COPA: variants seen among roughly 807,000 people sequenced by gnomAD.
The protein encoded by COPA is coatomer subunit alpha.
Under a neutral mutation model 158.7 loss-of-function variants are expected in COPA, and 10 were observed. That is an observed-to-expected ratio of 0.06 (90% CI 0.04 to 0.11). COPA has a LOEUF of 0.11. Among genes scored for constraint, COPA ranks in the 10% least tolerant of loss-of-function variants. The pLI is 1.00. For synonymous variants in COPA, 462 were observed against 542.8 expected (o/e 0.85, Z 2.07); for missense variants, 1,065 against 1,536.7 (o/e 0.69, Z 5.13).
At chr1:160,293,524 A>T in intron 25 of COPA, 61 bp from the exon 26 acceptor site, 5 of 1,276,610 alleles carry the variant, frequency 3.9e-6, no homozygotes, top group South Asian at 1.4e-5. Context: ...AGACAGGGTC[A>T]CACTCTGTCA....
At chr1:160,327,103 T>C (rs1384403548) in intron 6 of COPA, among the ~76,000 whole-genome samples, 1 of 152,064 alleles carries the variant, frequency 6.6e-6, no homozygotes, top group Non-Finnish European at 1.5e-5. Context: ...AGTTTGTAGA[T>C]GAGAAAAAAA....
chr1:160,339,371 G>A (rs1458450448), intron 3 of COPA: 1 of 152,218 alleles, frequency 6.6e-6, no homozygotes, highest in Admixed American at 6.5e-5. Flanking sequence ...TATCACTCCT[G>A]TATTTAAGTT....
At chr1:160,321,065 A>G (rs1659319473) in intron 8 of COPA, among the ~76,000 whole-genome samples, 1 of 152,236 alleles carries the variant, frequency 6.6e-6, no homozygotes, top group South Asian at 2.1e-4. Context: ...TAAACATGAT[A>G]TATCACATTA....
chr1:160,295,708 A>C, intron 23 of COPA, 28 bp downstream of exon 23: 2 of 1,571,892 alleles, frequency 1.3e-6, no homozygotes, highest in Non-Finnish European at 1.7e-6. Flanking sequence ...CAAACAACAA[A>C]AGTGCTATGG....
intron 17 of COPA, among the ~76,000 whole-genome samples, chr1:160,301,140 A>G (rs775727212): frequency 3.3e-5 from 5 of 151,754 alleles, no homozygotes; most frequent in Non-Finnish European, 5.9e-5. Flanking sequence ...CTGGGGTGAG[A>G]CTCTGTCTCA....
In COPA at chr1:160,298,928, T is replaced by C. The variant is rs1169847660; in HGVS notation, c.1894A>G (p.Lys632Glu). 6.2e-7 allele frequency: 1 copy of C among 1,614,026 alleles called. No individual in the cohort carries two copies. Among genetic ancestry groups the C allele is most frequent in the African/African-American group, 1.3e-5 (1 of 74,888 alleles). The change falls in exon 19 of 33, where the codon AAG becomes GAG. Residue 632 changes from lysine to glutamate, a missense_variant. By Grantham distance (56) the Lys-to-Glu change is moderately conservative. Transcript: ENST00000241704. ...GQSIIAYLQK[K>E]GYPEVALHFV... ...TGCAGTGCCACTTCAGGATAGCCCT[T>C]CTTCTGGAGATAAGCAATAATAGAC... is the stretch of plus-strand genomic sequence containing the variant.
intron 12 of COPA, among the ~76,000 whole-genome samples, chr1:160,309,527 A>C (rs1295081908): frequency 6.6e-6 from 1 of 152,068 alleles, no homozygotes; most frequent in African/African-American, 2.4e-5. Context: ...CAACCTCTGG[A>C]AAGGAAAAAA....
intron 3 of COPA, among the ~76,000 whole-genome samples, chr1:160,337,611 C>T (rs961821929): frequency 1.3e-5 from 2 of 151,986 alleles, no homozygotes; most frequent in Non-Finnish European, 2.9e-5. Context: ...TCCAGCTACT[C>T]GGGAGGCTGA....
In COPA at chr1:160,334,841, T is replaced by C. The variant is rs566478692; in HGVS notation, c.309+401A>G. Among the ~76,000 whole-genome samples, 8 of 152,288 alleles carry C rather than the reference T, an allele frequency of 5.3e-5. No individual in the cohort carries two copies. In the East Asian group the frequency reaches 1.2e-3, roughly 22 times the overall value. On this transcript the variant is annotated intron_variant, in intron 4 of 32. Coordinates refer to ENST00000241704, the MANE Select transcript of COPA (RefSeq NM_004371.4). ...AAATCCTAGGATAGAGGGGTATGAT[T>C]GTTAATACTTCGAAACGTTTGTTAG...
intron 8 of COPA, among the ~76,000 whole-genome samples, chr1:160,319,205 C>G (rs776384969): frequency 3.3e-5 from 5 of 151,932 alleles, no homozygotes; most frequent in Non-Finnish European, 7.4e-5. Context: ...TTCCATGAAA[C>G]TGGAAACCAG....
intron 15 of COPA, 126 bp downstream of exon 15, chr1:160,306,228 G>A: frequency 9.7e-7 from 1 of 1,026,610 alleles, no homozygotes; most frequent in South Asian, 1.7e-5. Flanking sequence ...TTACTATAAA[G>A]AGTCTTGGAG....
At chr1:160,295,699 AAAC>A (rs1378758090) in intron 23 of COPA, 34 bp downstream of exon 23, 1 of 1,562,928 alleles carries the variant, frequency 6.4e-7, no homozygotes, top group Admixed American at 2.0e-5. Flanking sequence ...TTCACAAAAC[AAAC>A]AACAAAAGTG....
At chr1:160,310,118 A>G in intron 12 of COPA, 74 bp downstream of exon 12, 1 of 862,940 alleles carries the variant, frequency 1.2e-6, no homozygotes, top group Non-Finnish European at 1.7e-6. Context: ...AAGCCATTAA[A>G]GATTCCCTAA....
chr1:160,329,666 G>A (rs1029837161), intron 6 of COPA, among the ~76,000 whole-genome samples: 19 of 152,144 alleles, frequency 1.2e-4, no homozygotes, highest in African/African-American at 4.6e-4. Context: ...TTTAATGCCC[G>A]AAAGGCATCA....
chr1:160,299,852 C>T (rs1658541471), intron 17 of COPA, among the ~76,000 whole-genome samples: 1 of 151,784 alleles, frequency 6.6e-6, no homozygotes, highest in African/African-American at 2.4e-5. Context: ...AAAGAAAGTA[C>T]TTAGAAGAAA....
chr1:160,306,642 A>G (rs1386175318), intron 14 of COPA, 149 bp from the exon 15 acceptor site: 1 of 931,904 alleles, frequency 1.1e-6, no homozygotes, highest in Admixed American at 2.2e-5. Flanking sequence ...CAGACAGACC[A>G]TGCCAACCAA....
intron 19 of COPA, 39 bp downstream of exon 19, chr1:160,298,806 T>C (rs1397912916): frequency 1.9e-6 from 3 of 1,612,612 alleles, no homozygotes; most frequent in African/African-American, 1.3e-5. Context: ...CTCTCTCACC[T>C]CTAAGACAAT....
intron 6 of COPA, among the ~76,000 whole-genome samples, chr1:160,326,985 T>G (rs1409612034): frequency 6.6e-6 from 1 of 152,218 alleles, no homozygotes; most frequent in Non-Finnish European, 1.5e-5. Flanking sequence ...ATGATAGCAC[T>G]GCTACTATCT....
intron 9 of COPA, among the ~76,000 whole-genome samples, chr1:160,313,480 T>A (rs961353637): frequency 3.1e-4 from 47 of 152,184 alleles, no homozygotes; most frequent in African/African-American, 1.1e-3. Flanking sequence ...AGTGGCGCGA[T>A]CTCGGCTCAC....
Sources: gnomAD v4.1 joint callset for allele counts (sites outside exome capture counted in the v4.1 genomes callset) on GRCh38, gnomAD v4.1.1 for gene constraint, MANE v1.5 for transcripts, NCBI Gene and HGNC (gene_info 2026-07-23, HGNC 2026-07-21) for gene names.